The following STAP1 variants were observed in gnomAD, a reference collection of about 807,000 sequenced individuals.
STAP1 encodes the protein signal transducing adaptor family member 1, also known as signal-transducing adaptor protein 1.
Under a neutral mutation model 37.8 loss-of-function variants are expected in STAP1, and 30 were observed. That is an observed-to-expected ratio of 0.79 (90% CI 0.59 to 1.08). STAP1 has a LOEUF of 1.08. Among genes scored for constraint, STAP1 ranks in the 50% least tolerant of loss-of-function variants. The probability of loss-of-function intolerance (pLI) is 0.00; values close to 1 mark genes in which losing one functional copy is unlikely to be tolerated. For missense variants in STAP1, 357 were observed against 349.4 expected, an observed-to-expected ratio of 1.02 and a Z score of -0.17; for synonymous variants, 130 against 116.0, an observed-to-expected ratio of 1.12 and a Z score of -0.78.
intron 1 of STAP1, among the ~76,000 whole-genome samples, chr4:67,570,333 AAC>A (rs1299350828): frequency 3.3e-5 from 5 of 152,164 alleles, no homozygotes; most frequent in Admixed American, 2.0e-4. Flanking sequence ...CATCACCACA[AAC>A]ACCTGAGTCA....
At position 67,592,401 on chromosome 4, in the gene STAP1, G is replaced by A. The variant is rs116440086; in HGVS notation, c.730-859G>A. Among the ~76,000 whole-genome samples, 991 of 152,102 alleles carry A rather than the reference G, an allele frequency of 6.5e-3. 8 individuals are homozygous for A. The highest frequency in any genetic ancestry group is 0.023 in the African/African-American group (935 of 41,492). ...GACACATTTTATCTACTCCTAGACC[G>A]GCAAATTATCCTGTTACAATAAAAT... is the stretch of plus-strand genomic sequence containing the variant. On this transcript the variant is annotated intron_variant, in intron 7 of 8. Transcript: ENST00000265404.
chr4:67,579,179 G>A (rs1727794873), intron 4 of STAP1, among the ~76,000 whole-genome samples: 1 of 152,094 alleles, frequency 6.6e-6, no homozygotes, highest in Non-Finnish European at 1.5e-5. Flanking sequence ...GAGAAGACAA[G>A]TTGCCTCAAA....
At position 67,558,894 on chromosome 4, in the gene STAP1, G is replaced by C. The variant is rs771313259; in HGVS notation, c.85G>C (p.Glu29Gln). The C allele has an allele frequency of 6.2e-6, 10 of 1,613,260 alleles. No homozygotes were observed. In the South Asian group the frequency reaches 9.9e-5, roughly 16 times the overall value. Residue 29 changes from glutamate to glutamine, a missense_variant, in exon 1 of 9, where the codon GAA (glutamate) becomes CAA (glutamine). Glu to Gln is a conservative substitution (Grantham distance 29, BLOSUM62 2). Coordinates refer to ENST00000265404, the MANE Select transcript of STAP1 (RefSeq NM_012108.4). ...LKITALPLYF[E>Q]GFLLIKRSGY... ...GATTACTGCTCTACCTTTGTACTTTGAAGGTTTTTTATTAATCAAGCGGTC... is the reference window on the plus strand; with the variant it reads ...GATTACTGCTCTACCTTTGTACTTTCAAGGTTTTTTATTAATCAAGCGGTC...
chr4:67,562,372 A>G (rs995474276), intron 1 of STAP1, among the ~76,000 whole-genome samples: 2 of 151,916 alleles, frequency 1.3e-5, no homozygotes, highest in Non-Finnish European at 2.9e-5. Flanking sequence ...AGGGCTGTCT[A>G]AGTTGTGCTC....
chr4:67,593,883 A>G (rs1011030020), intron 8 of STAP1, among the ~76,000 whole-genome samples: 1 of 152,210 alleles, frequency 6.6e-6, no homozygotes, highest in Non-Finnish European at 1.5e-5. Flanking sequence ...GGAATTACAG[A>G]TAAAGATTGT....
intron 6 of STAP1, 23 bp downstream of exon 6, chr4:67,583,725 T>C: frequency 6.2e-7 from 1 of 1,603,478 alleles, no homozygotes; most frequent in Non-Finnish European, 8.5e-7. Context: ...TTTTTAAATG[T>C]ATGGAATTTT....
intron 4 of STAP1, among the ~76,000 whole-genome samples, chr4:67,577,795 T>A (rs1727760237): frequency 6.6e-6 from 1 of 151,804 alleles, no homozygotes; most frequent in Admixed American, 6.6e-5. Context: ...ATTACAGGCA[T>A]GCACCATCAT....
At position 67,606,368 on chromosome 4, in the gene STAP1, GA is replaced by G; in HGVS notation, c.*14del. Reference sequence around the variant, plus strand: ...CCACACATTGCATGAAATACAATGTGAAAGCTCCTTTGTATATCTTGGTAAT... The same window carrying G: ...CCACACATTGCATGAAATACAATGTGAAGCTCCTTTGTATATCTTGGTAAT... On this transcript the variant is annotated 3_prime_UTR_variant, in exon 9 of 9. Transcript: ENST00000265404. 1 of 1,605,694 alleles carries G rather than the reference GA, an allele frequency of 6.2e-7. No individual in the cohort carries two copies. Among genetic ancestry groups the G allele is most frequent in the Non-Finnish European group, 8.5e-7 (1 of 1,176,350 alleles).
chr4:67,600,391 T>A lies in STAP1; in HGVS notation c.827-5905T>A, dbSNP rs576007270. ...GCTTGATATTACTTCAATTTTTTTT[T>A]AATGTTTTAAAGAGTTGTTTTGTGG... On this transcript the variant is annotated intron_variant, in intron 8 of 8. Coordinates refer to ENST00000265404, the MANE Select transcript of STAP1 (RefSeq NM_012108.4). 7.2e-5 allele frequency among the ~76,000 whole-genome samples: 11 copies of A among 152,270 alleles called. No homozygotes were observed. In the East Asian group the frequency reaches 2.1e-3, roughly 29 times the overall value.
intron 4 of STAP1, among the ~76,000 whole-genome samples, chr4:67,577,894 C>T (rs749350319): frequency 8.5e-5 from 13 of 152,180 alleles, no homozygotes; most frequent in African/African-American, 3.1e-4. Flanking sequence ...AGTGATCTGC[C>T]GGCCTCGGCC....
chr4:67,561,365 T>C (rs529993526), intron 1 of STAP1, among the ~76,000 whole-genome samples: 6 of 152,322 alleles, frequency 3.9e-5, no homozygotes, highest in East Asian at 3.9e-4. Context: ...GAATGTAAAG[T>C]TGGGTCTCTG....
intron 6 of STAP1, among the ~76,000 whole-genome samples, chr4:67,589,479 A>C (rs1728075087): frequency 6.6e-6 from 1 of 152,158 alleles, no homozygotes; most frequent in Admixed American, 6.5e-5. Context: ...TTCAGTCCTA[A>C]ATGAAAACGG....
Position 67,595,986 on chromosome 4 carries a change from T to C in STAP1, c.826+2630T>C, listed in dbSNP as rs559380259. Among the ~76,000 whole-genome samples the C allele has an allele frequency of 7.0e-4, 106 of 152,334 alleles. 1 individual carries two copies. The South Asian group carries it at 0.022, about 31-fold the overall frequency. ...CAGCATTGGCACACATTTTGATTTATAGGTATTTAAATTTTTGTTGCTGGT... is the reference window on the plus strand; with the variant it reads ...CAGCATTGGCACACATTTTGATTTACAGGTATTTAAATTTTTGTTGCTGGT... On this transcript the variant is annotated intron_variant, in intron 8 of 8. Coordinates refer to ENST00000265404, the MANE Select transcript of STAP1 (RefSeq NM_012108.4).
chr4:67,593,432 A>G (rs1728162859), intron 8 of STAP1, 76 bp downstream of exon 8: 1 of 1,055,728 alleles, frequency 9.5e-7, no homozygotes, highest in Admixed American at 2.1e-5. Context: ...TCTGCATATG[A>G]TTGATAGTAC....
Position 67,602,727 on chromosome 4 carries a change from C to T in STAP1, c.827-3569C>T, listed in dbSNP as rs372380144. Among the ~76,000 whole-genome samples, 19 of 152,268 alleles carry T rather than the reference C, an allele frequency of 1.2e-4. No individual in the cohort carries two copies. The East Asian group carries it at 3.1e-3, about 25-fold the overall frequency. On this transcript the variant is annotated intron_variant, in intron 8 of 8. Transcript: ENST00000265404. ...AATGGAGTCTCTCCCCACCTCCTCT[C>T]TCTCTCTCTGTGTGTGTGTGCTGAG...
intron 4 of STAP1, 74 bp downstream of exon 4, chr4:67,577,333 G>A: frequency 1.5e-6 from 2 of 1,370,572 alleles, no homozygotes; most frequent in Non-Finnish European, 2.0e-6. Context: ...TATGATCCAT[G>A]CAGAGTGAAA....
At chr4:67,588,734 A>G (rs1469149318) in intron 6 of STAP1, among the ~76,000 whole-genome samples, 1 of 152,142 alleles carries the variant, frequency 6.6e-6, no homozygotes, top group Non-Finnish European at 1.5e-5. Context: ...AAAAACAACA[A>G]CAATCGTTGT....
rs575197031 is a variant in STAP1 at position 67,583,923 on chromosome 4, C to T, written c.659+221C>T. Among the ~76,000 whole-genome samples, 3 of 151,836 alleles carry T rather than the reference C, an allele frequency of 2.0e-5. No individual in the cohort carries two copies. In the East Asian group the frequency reaches 5.8e-4, roughly 29 times the overall value. ...ACTACCCTGGCTAACACGGTGAAAC[C>T]CCGTCTTTACTAAAAATACAAAAAA... On this transcript the variant is annotated intron_variant, in intron 6 of 8. Transcript: ENST00000265404.
chr4:67,578,160 AGTTAACTCTTGCAGTAAGATAAT>A (rs1476486732), intron 4 of STAP1, among the ~76,000 whole-genome samples: 10 of 152,320 alleles, frequency 6.6e-5, no homozygotes, highest in Non-Finnish European at 1.3e-4. Context: ...TACTGCTTAG[AGTTAACTCTTGCAGTAAGATAAT>A]GTCCATTATT....
Sources: gnomAD v4.1 joint callset for allele counts (sites outside exome capture counted in the v4.1 genomes callset) on GRCh38, gnomAD v4.1.1 for gene constraint, MANE v1.5 for transcripts, NCBI Gene and HGNC (gene_info 2026-07-23, HGNC 2026-07-21) for gene names.